Variants in JADE1 observed in about 807,000 individuals in gnomAD.
The protein encoded by JADE1 is jade family PHD finger 1, also known as protein Jade-1.
Under a neutral mutation model 81.8 loss-of-function variants are expected in JADE1, and 14 were observed. The observed-to-expected ratio is 0.17, with a 90% CI of 0.11 to 0.27. The LOEUF (loss-of-function observed/expected upper bound fraction) is 0.27. Among genes scored for constraint, JADE1 ranks in the 10% least tolerant of loss-of-function variants. The probability of loss-of-function intolerance (pLI) is 1.00; values close to 1 mark genes in which losing one functional copy is unlikely to be tolerated. For synonymous variants in JADE1, 353 were observed against 391.9 expected (o/e 0.90, Z 1.17); for missense variants, 690 against 1,047.9 (o/e 0.66, Z 4.71).
chr4:128,846,449 G>A lies in JADE1; in HGVS notation c.213G>A (p.Val71=), dbSNP rs1729881423. 6.2e-7 allele frequency: 1 copy of A among 1,614,190 alleles called. No homozygotes were observed. Residue 71 remains valine, a synonymous_variant, in exon 4 of 11, where the codon GTG becomes GTA. Transcript: ENST00000226319. The surrounding 1 kb of genome is among the most constrained non-coding windows in gnomAD (Gnocchi z 4.0). ...AGCTGAATCCGGATGAGTACTATGT[G>A]TTGGCAGATCCCTGGAGACAGGAAT... ...SYQLNPDEYY[V]LADPWRQEWE... is the part of the protein sequence containing the mutation.
At chr4:128,864,737 GAT>G in intron 9 of JADE1, 1 of 368,122 alleles carries the variant, frequency 2.7e-6, no homozygotes, top group Non-Finnish European at 3.8e-6. Flanking sequence ...CAAGGCATAT[GAT>G]CATTCTCAGA....
At position 128,846,318 on chromosome 4, in the gene JADE1, C is replaced by A; in HGVS notation, c.139-57C>A. ...TCCATGGTTACATTGCAGCTGCCAG[C>A]ACTCTGAATAAGAATGCAAATATCA... is the stretch of plus-strand genomic sequence containing the variant. On this transcript the variant is annotated intron_variant, in intron 3 of 10. Transcript: ENST00000226319. The surrounding 1 kb of genome is among the most constrained non-coding windows in gnomAD (Gnocchi z 4.0). The A allele has an allele frequency of 1.3e-6, 2 of 1,536,458 alleles. No homozygotes were observed. Among genetic ancestry groups the A allele is most frequent in the South Asian group, 1.1e-5 (1 of 87,036 alleles).
At chr4:128,826,587 C>T (rs1485091405) in intron 1 of JADE1, among the ~76,000 whole-genome samples, 3 of 146,194 alleles carry the variant, frequency 2.1e-5, no homozygotes, top group African/African-American at 5.1e-5. Flanking sequence ...CCAGGCTTGT[C>T]TCGAACTCCA....
intron 1 of JADE1, among the ~76,000 whole-genome samples, chr4:128,829,258 T>C (rs1728329150): frequency 6.6e-6 from 1 of 152,116 alleles, no homozygotes; most frequent in African/African-American, 2.4e-5. Flanking sequence ...AGTGGGGCTT[T>C]TGGAAAAGGG....
chr4:128,819,912 C>T (rs1164283382), intron 1 of JADE1, among the ~76,000 whole-genome samples: 1 of 152,156 alleles, frequency 6.6e-6, no homozygotes, highest in East Asian at 1.9e-4. Context: ...GCCCCTCCAC[C>T]CACCTGGGGA....
chr4:128,867,179 C>A (rs1329440589), intron 9 of JADE1, among the ~76,000 whole-genome samples: 2 of 152,178 alleles, frequency 1.3e-5, no homozygotes, highest in African/African-American at 4.8e-5. Flanking sequence ...AGATGTCTAA[C>A]CAGCAAATCA....
At chr4:128,814,056 A>G (rs1358352442) in intron 1 of JADE1, among the ~76,000 whole-genome samples, 1 of 151,056 alleles carries the variant, frequency 6.6e-6, no homozygotes, top group East Asian at 1.9e-4. Context: ...AAAAAAAAAA[A>G]CCCACCTTCT....
Position 128,871,329 on chromosome 4 carries a change from CTTT to C in JADE1, c.1622-25_1622-23del. The C allele has an allele frequency of 6.3e-7, 1 of 1,581,512 alleles. No homozygotes were observed. Among genetic ancestry groups the C allele is most frequent in the Non-Finnish European group, 8.6e-7 (1 of 1,163,502 alleles). ...TGGATTTGCTTCTGCTGTAATTTTT[CTTT>C]ATTTGTGGTTTTATGTTTATAGGTG... On this transcript the variant is annotated intron_variant, in intron 10 of 10. Transcript: ENST00000226319. This position sits in a 1 kb window ranked among gnomAD's most constrained non-coding sequence, Gnocchi z 4.1.
rs766389433 is a variant in JADE1, at chr4:128,848,992, A to G, written c.309A>G (p.Glu103=). The G allele has an allele frequency of 2.5e-6, 4 of 1,613,980 alleles. No individual in the cohort carries two copies. In the East Asian group the frequency reaches 6.7e-5, roughly 27 times the overall value. Reference sequence around the variant, plus strand: ...TTTTATTATCCAGGGTTGTGTCTGAAGAGAAATCCCTCATGTTCATCAGGC... The same window carrying G: ...TTTTATTATCCAGGGTTGTGTCTGAGGAGAAATCCCTCATGTTCATCAGGC... The part of the protein sequence containing the change: ...IPQPVARVVS[E]EKSLMFIRPK... Residue 103 remains glutamate (E), a synonymous_variant, in exon 5 of 11, where the codon GAA becomes GAG. Transcript: ENST00000226319.
chr4:128,833,680 C>G (rs773887742), intron 2 of JADE1, among the ~76,000 whole-genome samples: 1 of 152,118 alleles, frequency 6.6e-6, no homozygotes, highest in Non-Finnish European at 1.5e-5. Flanking sequence ...GGCGACAGAG[C>G]GAGACTCCGT....
intron 1 of JADE1, among the ~76,000 whole-genome samples, chr4:128,822,158 G>T (rs1481624923): frequency 6.6e-6 from 1 of 152,226 alleles, no homozygotes; most frequent in Non-Finnish European, 1.5e-5. Context: ...ACTGGGGCAA[G>T]AAGTTGTGCT....
At chr4:128,825,515 A>C (rs1245407655) in intron 1 of JADE1, among the ~76,000 whole-genome samples, 2 of 152,212 alleles carry the variant, frequency 1.3e-5, no homozygotes, top group Non-Finnish European at 2.9e-5. Context: ...TATTGCATGC[A>C]GATTTTTCCC....
intron 3 of JADE1, among the ~76,000 whole-genome samples, chr4:128,845,707 G>C (rs1729811838): frequency 6.6e-6 from 1 of 152,050 alleles, no homozygotes; most frequent in Admixed American, 6.6e-5. Context: ...TTGAGGTCCT[G>C]ACCTCAATGG....
intron 1 of JADE1, among the ~76,000 whole-genome samples, chr4:128,813,615 G>T (rs1429193494): frequency 6.6e-6 from 1 of 151,762 alleles, no homozygotes; most frequent in Non-Finnish European, 1.5e-5. Context: ...TAGAGACGGG[G>T]TTTCACCATA....
chr4:128,866,063 T>A (rs1310408036), intron 9 of JADE1, among the ~76,000 whole-genome samples: 1 of 152,232 alleles, frequency 6.6e-6, no homozygotes, highest in Non-Finnish European at 1.5e-5. Flanking sequence ...AGCTTCACTC[T>A]TAATTTCCCC....
Position 128,860,762 on chromosome 4 carries a change from G to A in JADE1, c.982-942G>A, listed in dbSNP as rs368824350. Among the ~76,000 whole-genome samples, 18 of 152,304 alleles carry A rather than the reference G, an allele frequency of 1.2e-4. No homozygotes were observed. The East Asian group carries it at 1.4e-3, about 11-fold the overall frequency. ...TGGCCCTGTTTAGGCAGTGAGAGGG[G>A]AAGTGTTCTTCTGCATAGGTTGCTG... On this transcript the variant is annotated intron_variant, in intron 8 of 10. Coordinates refer to ENST00000226319, the MANE Select transcript of JADE1 (RefSeq NM_199320.4).
intron 1 of JADE1, among the ~76,000 whole-genome samples, chr4:128,813,429 T>TTTTTTTTTA (rs1726673208): frequency 8.5e-6 from 1 of 117,768 alleles, no homozygotes. Flanking sequence ...TTTTTTTTTG[T>TTTTTTTTTA]TCCTTGAGAC....
rs1166147702 is a variant in JADE1 at position 128,846,664 on chromosome 4, T to G, written c.296+132T>G. ...GTTAGCATTAAAATATCATGAGGCC[T>G]CAAGTGGAAATAGAAATTCAGGAGC... On this transcript the variant is annotated intron_variant, in intron 4 of 10. Transcript: ENST00000226319. The surrounding 1 kb of genome is among the most constrained non-coding windows in gnomAD (Gnocchi z 4.0). 17 of 927,410 alleles carry G rather than the reference T, an allele frequency of 1.8e-5. No homozygotes were observed. The highest frequency in any genetic ancestry group is 2.7e-5 in the Non-Finnish European group (17 of 629,844). 57.4% of individuals were successfully genotyped at this position (927,410 alleles called of 1,614,324 possible).
Position 128,867,883 on chromosome 4 carries a change from C to T in JADE1, c.1531C>T (p.Arg511Cys), listed in dbSNP as rs779344713. Reference sequence around the variant, plus strand: ...TCGGAACCTCACTTACATGGTGACCCGCAGGGAAAAGATTAAACGGTCTGT... The same window carrying T: ...TCGGAACCTCACTTACATGGTGACCTGCAGGGAAAAGATTAAACGGTCTGT... The part of the protein sequence containing the change: ...RVRNLTYMVT[R>C]REKIKRSVCK... Residue 511 changes from arginine to cysteine, a missense_variant, in exon 10 of 11, where the codon CGC becomes TGC. Coordinates refer to ENST00000226319, the MANE Select transcript of JADE1 (RefSeq NM_199320.4). 5 of 1,613,266 alleles carry T rather than the reference C, an allele frequency of 3.1e-6. No individual in the cohort carries two copies. Among genetic ancestry groups the T allele is most frequent in the Admixed American group, 1.7e-5 (1 of 60,000 alleles).
Sources: allele counts gnomAD v4.1 joint callset (sites outside exome capture counted in the v4.1 genomes callset), GRCh38; gene constraint gnomAD v4.1.1; non-coding constraint Gnocchi (gnomAD v3.1); transcripts MANE v1.5; gene names NCBI Gene and HGNC (gene_info 2026-07-23, HGNC 2026-07-21).